PARD3: variants seen among roughly 807,000 people sequenced by gnomAD.
The protein encoded by PARD3 is partitioning defective 3 homolog.
PARD3 carries 75 observed loss-of-function variants against 155.4 expected under a neutral mutation model. The ratio of observed to expected loss-of-function variants is 0.48; its 90% CI spans 0.40 to 0.58. PARD3 has a LOEUF of 0.58. PARD3 is among the 20% of genes least tolerant of loss of function. The pLI is 0.00. For missense variants in PARD3, 1,642 were observed against 1,721.7 expected, an observed-to-expected ratio of 0.95 and a Z score of 0.82; for synonymous variants, 576 against 610.5, an observed-to-expected ratio of 0.94 and a Z score of 0.83.
intron 1 of PARD3, among the ~76,000 whole-genome samples, chr10:34,805,080 G>A (rs1287944874): frequency 1.3e-5 from 2 of 152,206 alleles, no homozygotes; most frequent in Non-Finnish European, 2.9e-5. Context: ...GGGAAAGGCT[G>A]GGCGCGGTGG....
At chr10:34,623,890 A>C (rs1024553664) in intron 2 of PARD3, among the ~76,000 whole-genome samples, 1 of 152,012 alleles carries the variant, frequency 6.6e-6, no homozygotes, top group Non-Finnish European at 1.5e-5. Context: ...CTGAGGCAGG[A>C]GAATCACTTG....
chr10:34,135,529 T>C (rs527930138), intron 22 of PARD3, among the ~76,000 whole-genome samples: 1 of 152,330 alleles, frequency 6.6e-6, no homozygotes, highest in Non-Finnish European at 1.5e-5. Context: ...AGGCAGACCA[T>C]GCGGTGTACA....
chr10:34,494,528 GA>G (rs1362644171), intron 3 of PARD3, among the ~76,000 whole-genome samples: 1 of 152,156 alleles, frequency 6.6e-6, no homozygotes, highest in Non-Finnish European at 1.5e-5. Context: ...GACTGCCCAA[GA>G]AAAGATGCAG....
chr10:34,153,244 G>A lies in PARD3; in HGVS notation c.3420-21661C>T, dbSNP rs968462917. On this transcript the variant is annotated intron_variant, in intron 22 of 24. Coordinates refer to ENST00000374788, the MANE Select transcript of PARD3 (RefSeq NM_001184785.2). ...TCCCACCTCAGCCTCCTGAGAGGCCGCAAGTGATCCTCCCAACTTGGCTTC... is the reference window on the plus strand; with the variant it reads ...TCCCACCTCAGCCTCCTGAGAGGCCACAAGTGATCCTCCCAACTTGGCTTC... Among the ~76,000 whole-genome samples, 5 of 152,068 alleles carry A rather than the reference G, an allele frequency of 3.3e-5. No homozygotes were observed. The South Asian group carries it at 6.2e-4, about 19-fold the overall frequency.
chr10:34,706,258 T>C (rs1011918314), intron 1 of PARD3, among the ~76,000 whole-genome samples: 2 of 152,162 alleles, frequency 1.3e-5, no homozygotes, highest in Non-Finnish European at 2.9e-5. Flanking sequence ...AGAGCATAAA[T>C]AGCCGGCAAG....
intron 2 of PARD3, among the ~76,000 whole-genome samples, chr10:34,659,268 A>C (rs895140531): frequency 6.6e-6 from 1 of 152,224 alleles, no homozygotes; most frequent in African/African-American, 2.4e-5. Flanking sequence ...ATTATTTCTA[A>C]GGGTTTTGTT....
chr10:34,155,235 G>C (rs1365867181), intron 22 of PARD3, among the ~76,000 whole-genome samples: 1 of 152,152 alleles, frequency 6.6e-6, no homozygotes, highest in South Asian at 2.1e-4. Flanking sequence ...ACTGGGGACT[G>C]ATTATTCTTT....
At chr10:34,120,790 C>T (rs1292179372) in intron 23 of PARD3, among the ~76,000 whole-genome samples, 12 of 152,130 alleles carry the variant, frequency 7.9e-5, no homozygotes, top group Non-Finnish European at 1.6e-4. Context: ...TTAATCATCC[C>T]CTATAGAGAA....
At chr10:34,792,305 A>T (rs1291925300) in intron 1 of PARD3, among the ~76,000 whole-genome samples, 1 of 152,058 alleles carries the variant, frequency 6.6e-6, no homozygotes, top group African/African-American at 2.4e-5. Flanking sequence ...GGCAGGTCTC[A>T]CACTCCTGGC....
At chr10:34,407,827 T>C (rs1377238001) in intron 5 of PARD3, among the ~76,000 whole-genome samples, 1 of 133,570 alleles carries the variant, frequency 7.5e-6, no homozygotes, top group Admixed American at 7.5e-5. Context: ...GAGTGAGTCC[T>C]TATGCCTAAA....
intron 22 of PARD3, among the ~76,000 whole-genome samples, chr10:34,164,634 A>C (rs1436673139): frequency 2.0e-5 from 3 of 152,226 alleles, no homozygotes; most frequent in Non-Finnish European, 4.4e-5. Flanking sequence ...GAAACATTTA[A>C]GCAAATTCCA....
In PARD3 at chr10:34,415,885, A is replaced by G. The variant is rs189922031; in HGVS notation, c.715-13968T>C. Among the ~76,000 whole-genome samples the G allele has an allele frequency of 2.6e-5, 4 of 152,334 alleles. No individual in the cohort carries two copies. In the East Asian group the frequency reaches 7.7e-4, roughly 29 times the overall value. ...TATCTTATGGATATTATACTTAAAT[A>G]CTAAAAACAACTTTACATGGAGGGT... is the stretch of plus-strand genomic sequence containing the variant. On this transcript the variant is annotated intron_variant, in intron 5 of 24. Coordinates refer to ENST00000374788, the MANE Select transcript of PARD3 (RefSeq NM_001184785.2).
chr10:34,786,878 G>T (rs946141202), intron 1 of PARD3, among the ~76,000 whole-genome samples: 4 of 152,150 alleles, frequency 2.6e-5, no homozygotes, highest in East Asian at 1.9e-4. Flanking sequence ...AGAGTTCAAA[G>T]AGATCATTAT....
chr10:34,718,888 G>A (rs1348893681), intron 1 of PARD3, among the ~76,000 whole-genome samples: 10 of 152,068 alleles, frequency 6.6e-5, no homozygotes, highest in Admixed American at 1.3e-4. Flanking sequence ...GTTTGAACCC[G>A]GAAGGAGCAG....
chr10:34,636,036 G>GA (rs984991214), intron 2 of PARD3, among the ~76,000 whole-genome samples: 4 of 150,516 alleles, frequency 2.7e-5, no homozygotes, highest in East Asian at 1.9e-4. Context: ...AAAAGAAGAA[G>GA]AAGAAAGAAA....
chr10:34,186,408 A>C (rs561738454), intron 22 of PARD3, among the ~76,000 whole-genome samples: 1 of 151,058 alleles, frequency 6.6e-6, no homozygotes, highest in Admixed American at 6.6e-5. Flanking sequence ...ATGCTCCCCA[A>C]TCAGATTCCC....
At chr10:34,584,013 T>C (rs12240344) in intron 2 of PARD3, among the ~76,000 whole-genome samples, 4,469 of 152,294 alleles carry the variant, frequency 0.029, 218 homozygotes, top group African/African-American at 0.1. Context: ...TATTAGAGCG[T>C]AACAAATTTT....
chr10:34,646,705 G>T (rs961969727), intron 2 of PARD3, among the ~76,000 whole-genome samples: 2 of 152,056 alleles, frequency 1.3e-5, no homozygotes, highest in African/African-American at 4.8e-5. Flanking sequence ...TCGTTCTGTC[G>T]CCCAGGCTGG....
Position 34,450,312 on chromosome 10 carries a change from G to C in PARD3, c.714+5C>G. On this transcript the variant is annotated splice_donor_5th_base_variant and intron_variant, in intron 5 of 24. Coordinates refer to ENST00000374788, the MANE Select transcript of PARD3 (RefSeq NM_001184785.2). ...TGACGCACATATAAGGATTTGTCATGTTACCTGTTCTTGTTTCTCCAGCCA... is the reference window on the plus strand; with the variant it reads ...TGACGCACATATAAGGATTTGTCATCTTACCTGTTCTTGTTTCTCCAGCCA... 2 of 1,612,246 alleles carry C rather than the reference G, an allele frequency of 1.2e-6. No homozygotes were observed. Among genetic ancestry groups the C allele is most frequent in the Non-Finnish European group, 8.5e-7 (1 of 1,179,346 alleles).
Sources: gnomAD v4.1 joint callset for allele counts (sites outside exome capture counted in the v4.1 genomes callset) on GRCh38, gnomAD v4.1.1 for gene constraint, MANE v1.5 for transcripts, NCBI Gene and HGNC (gene_info 2026-07-23, HGNC 2026-07-21) for gene names.